SLC9B2: variants seen among roughly 807,000 people sequenced by gnomAD.
The protein encoded by SLC9B2 is sodium/hydrogen exchanger 9B2.
Under a neutral mutation model 52.2 loss-of-function variants are expected in SLC9B2, and 39 were observed. The observed-to-expected ratio is 0.75, with a 90% confidence interval of 0.58 to 0.98. The LOEUF is 0.98. SLC9B2 is among the 50% of genes least tolerant of loss of function. The pLI, the probability that SLC9B2 is intolerant of heterozygous loss-of-function variation, is 0.00. For synonymous variants in SLC9B2, 214 were observed against 227.0 expected (o/e 0.94, Z 0.51); for missense variants, 626 against 637.5 (o/e 0.98, Z 0.19).
intron 3 of SLC9B2, 127 bp from the exon 4 acceptor site, chr4:103,058,098 T>G: frequency 1.1e-6 from 1 of 895,494 alleles, no homozygotes. Flanking sequence ...ATGTTTAATC[T>G]GTAAAGAGTA....
chr4:103,075,956 A>C (rs1443442791), intron 1 of SLC9B2, among the ~76,000 whole-genome samples: 2 of 152,208 alleles, frequency 1.3e-5, no homozygotes, highest in Non-Finnish European at 2.9e-5. Flanking sequence ...ATGCTAACCC[A>C]GTCCACAAAG....
downstream of SLC9B2, chr4:103,020,288 A>C: frequency 2.4e-6 from 1 of 421,532 alleles, no homozygotes; most frequent in Non-Finnish European, 4.6e-6. Flanking sequence ...TCTTATGTGG[A>C]AAGTTGTATG....
chr4:103,062,198 G>A (rs1368321926), intron 3 of SLC9B2, among the ~76,000 whole-genome samples: 4 of 152,162 alleles, frequency 2.6e-5, no homozygotes, highest in South Asian at 2.1e-4. Flanking sequence ...CGAGGCAGGC[G>A]GATCATGAGG....
At position 103,022,278 on chromosome 4, in the gene SLC9B2, T is replaced by G. The variant is rs566088780; in HGVS notation, c.*4092A>C. 2.6e-4 allele frequency among the ~76,000 whole-genome samples: 39 copies of G among 152,334 alleles called. No individual in the cohort carries two copies. The highest frequency in any genetic ancestry group is 9.1e-4 in the African/African-American group (38 of 41,574). On this transcript the variant is annotated 3_prime_UTR_variant, in exon 12 of 12. Transcript: ENST00000394785. The stretch of plus-strand genomic sequence containing the variant: ...TGAAGGCAGGGATTTGTCTGTTTTA[T>G]TCATTGCAAAATGAATATCTGAATA...
chr4:103,044,120 C>A (rs1232397634), intron 8 of SLC9B2, among the ~76,000 whole-genome samples: 1 of 152,202 alleles, frequency 6.6e-6, no homozygotes, highest in Admixed American at 6.5e-5. Flanking sequence ...CAAAGGCATG[C>A]AAGCTCTGAA....
At position 103,026,310 on chromosome 4, in the gene SLC9B2, G is replaced by A; in HGVS notation, c.*60C>T. The stretch of plus-strand genomic sequence containing the variant: ...GCTTAAACATTACATATTTCAATAT[G>A]CATCTTGAAAAAAGTAGCAGCTTTC... On this transcript the variant is annotated 3_prime_UTR_variant, in exon 12 of 12. Coordinates refer to ENST00000394785, the MANE Select transcript of SLC9B2 (RefSeq NM_178833.7). 2 of 1,373,726 alleles carry A rather than the reference G, an allele frequency of 1.5e-6. No homozygotes were observed. The highest frequency in any genetic ancestry group is 2.0e-6 in the Non-Finnish European group (2 of 1,000,840). The allele number at this position is 1,373,726 out of a possible 1,614,324, so 85.1% of individuals were successfully genotyped here. A position where few individuals can be genotyped will look rare whatever the true frequency, so the allele number is the denominator to read the frequency against.
At position 103,057,836 on chromosome 4, in the gene SLC9B2, T is replaced by C; in HGVS notation, c.407A>G (p.Lys136Arg). 1 of 1,613,956 alleles carries C rather than the reference T, an allele frequency of 6.2e-7. No individual in the cohort carries two copies. The highest frequency in any genetic ancestry group is 1.1e-5 in the South Asian group (1 of 91,012). ...AGGCAGTGGAGGCAATGTAGGTAAC[T>C]TAATAAGCCCCAAAAGTTTACCACC... is the stretch of plus-strand genomic sequence containing the variant. Reference protein sequence around the residue: ...IIGGKLLGLIKLPTLPPLPSL... With the variant: ...IIGGKLLGLIRLPTLPPLPSL... Residue 136 changes from lysine (K) to arginine (R), a missense_variant, in exon 4 of 12, where the codon AAG (lysine) becomes AGG (arginine). By Grantham distance (26) the Lys-to-Arg change is conservative. Coordinates refer to ENST00000394785, the MANE Select transcript of SLC9B2 (RefSeq NM_178833.7).
intron 8 of SLC9B2, among the ~76,000 whole-genome samples, chr4:103,044,426 G>A (rs1743921709): frequency 6.6e-6 from 1 of 152,180 alleles, no homozygotes; most frequent in African/African-American, 2.4e-5. Flanking sequence ...ATGCATGTAT[G>A]TATTAGATAT....
intron 2 of SLC9B2, 75 bp downstream of exon 2, chr4:103,067,386 G>C: frequency 7.3e-7 from 1 of 1,368,640 alleles, no homozygotes; most frequent in South Asian, 1.2e-5. Context: ...GATTGTGTAA[G>C]TTTGGGGATA....
In SLC9B2 at chr4:103,066,327, C is replaced by G. The variant is rs923158543; in HGVS notation, c.271G>C (p.Val91Leu). The change falls in exon 3 of 12, where the codon GTT becomes CTT. Residue 91 changes from valine (V) to leucine (L), a missense_variant and splice_region_variant. By Grantham distance (32) the Val-to-Leu change is conservative. Transcript: ENST00000394785. The part of the protein sequence containing the change: ...HGLLDRVITN[V>L]TIIVLLWAVV... ...CATCTCTTTCTGAATTCATCCTTAC[C>G]ATTTGTTATGACCCTGTCCAGTAAA... The G allele has an allele frequency of 1.1e-5, 18 of 1,607,360 alleles. No homozygotes were observed. The highest frequency in any genetic ancestry group is 1.5e-5 in the Non-Finnish European group (18 of 1,176,346).
At chr4:103,060,889 G>A (rs983894992) in intron 3 of SLC9B2, among the ~76,000 whole-genome samples, 7 of 152,082 alleles carry the variant, frequency 4.6e-5, no homozygotes, top group African/African-American at 1.4e-4. Flanking sequence ...TTTTATTGGC[G>A]ACTCCACACC....
At chr4:103,064,762 A>T (rs181675292) in intron 3 of SLC9B2, among the ~76,000 whole-genome samples, 1 of 152,308 alleles carries the variant, frequency 6.6e-6, no homozygotes, top group Admixed American at 6.5e-5. Context: ...AATATGTACA[A>T]ATATGTGTCA....
In SLC9B2 at chr4:103,045,007, T is replaced by C. The variant is rs748239456; in HGVS notation, c.890-11A>G. The C allele has an allele frequency of 1.4e-5, 22 of 1,588,610 alleles. No individual in the cohort carries two copies. Among genetic ancestry groups the C allele is most frequent in the South Asian group, 1.3e-4 (12 of 88,972 alleles). ...TAAAGACAGTAGAGCCTGAAAAATA[T>C]ATTAAAAAAACTTAGAGCTCTAAAT... On this transcript the variant is annotated splice_polypyrimidine_tract_variant and intron_variant, in intron 7 of 11. Coordinates refer to ENST00000394785, the MANE Select transcript of SLC9B2 (RefSeq NM_178833.7).
At chr4:103,067,311 T>C in intron 2 of SLC9B2, 150 bp downstream of exon 2, 1 of 631,880 alleles carries the variant, frequency 1.6e-6, no homozygotes, top group Non-Finnish European at 2.8e-6. Context: ...TCCATTTTTC[T>C]AGTTACAGGT....
In SLC9B2 at chr4:103,026,257, C is replaced by T. The variant is rs1278453716; in HGVS notation, c.*113G>A. ...CTAAAAATGCTGTTTAAAGAAACAG[C>T]TACACTTTTGGTTCTATTACATTTT... On this transcript the variant is annotated 3_prime_UTR_variant, in exon 12 of 12. Coordinates refer to ENST00000394785, the MANE Select transcript of SLC9B2 (RefSeq NM_178833.7). 1.2e-5 allele frequency: 12 copies of T among 978,756 alleles called. No homozygotes were observed. The highest frequency in any genetic ancestry group is 1.7e-5 in the Non-Finnish European group (11 of 664,166). 60.6% of individuals were successfully genotyped at this position (978,756 alleles called of 1,614,324 possible).
chr4:103,075,945 G>A (rs1747095219), intron 1 of SLC9B2, among the ~76,000 whole-genome samples: 1 of 152,142 alleles, frequency 6.6e-6, no homozygotes, highest in Non-Finnish European at 1.5e-5. Flanking sequence ...GCACCTCGAG[G>A]ATGCTAACCC....
chr4:103,072,050 T>C (rs1746680937), intron 1 of SLC9B2, among the ~76,000 whole-genome samples: 1 of 141,310 alleles, frequency 7.1e-6, no homozygotes, highest in South Asian at 2.2e-4. Context: ...CAAGTTTGGC[T>C]TTCATGTTTT....
chr4:103,075,258 T>G, intron 1 of SLC9B2, among the ~76,000 whole-genome samples: 1 of 152,294 alleles, frequency 6.6e-6, no homozygotes, highest in Non-Finnish European at 1.5e-5. Flanking sequence ...CAAGCGATTC[T>G]TCAGCCTCAG....
At chr4:103,021,175 C>T (rs190742088), downstream of SLC9B2, among the ~76,000 whole-genome samples, 175 of 152,256 alleles carry the variant, frequency 1.1e-3, no homozygotes, top group African/African-American at 4.0e-3. Context: ...AGTCTGTTTG[C>T]CTCCAAGGCA....
Sources: gnomAD v4.1 joint callset for allele counts (sites outside exome capture counted in the v4.1 genomes callset) on GRCh38, gnomAD v4.1.1 for gene constraint, MANE v1.5 for transcripts, NCBI Gene and HGNC (gene_info 2026-07-23, HGNC 2026-07-21) for gene names.